Variants in DEK observed in about 807,000 individuals in gnomAD.
DEK encodes protein DEK.
Under a neutral mutation model 46.8 loss-of-function variants are expected in DEK, and 28 were observed. The ratio of observed to expected loss-of-function variants is 0.60; its 90% CI spans 0.44 to 0.82. The LOEUF (loss-of-function observed/expected upper bound fraction) is 0.82. DEK is among the 40% of genes least tolerant of loss of function. The pLI is 0.00. For synonymous variants in DEK, 160 were observed against 144.5 expected, an observed-to-expected ratio of 1.11 and a Z score of -0.77; for missense variants, 416 against 430.6, an observed-to-expected ratio of 0.97 and a Z score of 0.30.
chr6:18,242,718 C>G (rs959608341), intron 7 of DEK, among the ~76,000 whole-genome samples: 9 of 151,904 alleles, frequency 5.9e-5, no homozygotes, highest in African/African-American at 2.2e-4. Context: ...AATAATGGCC[C>G]CAAAGCCCAG....
chr6:18,227,111 G>A (rs1489595667), intron 9 of DEK, among the ~76,000 whole-genome samples: 2 of 152,080 alleles, frequency 1.3e-5, no homozygotes, highest in African/African-American at 4.8e-5. Context: ...CTGAAATATG[G>A]CCTCGTGAGA....
intron 7 of DEK, among the ~76,000 whole-genome samples, chr6:18,245,242 A>C (rs148519843): frequency 2.2e-4 from 34 of 152,352 alleles, no homozygotes; most frequent in East Asian, 1.7e-3. Flanking sequence ...AAGGTAAAAC[A>C]ACCACCTTGT....
chr6:18,254,612 G>A (rs1791528535), intron 6 of DEK, among the ~76,000 whole-genome samples: 1 of 150,878 alleles, frequency 6.6e-6, no homozygotes, highest in Non-Finnish European at 1.5e-5. Flanking sequence ...TTTTTAAGAG[G>A]GCAACAGTAT....
At chr6:18,237,283 C>T (rs146616627) in intron 8 of DEK, 98 bp downstream of exon 8, 3 of 1,371,112 alleles carry the variant, frequency 2.2e-6, no homozygotes, top group Admixed American at 2.9e-5. Flanking sequence ...ATGTTCTCTG[C>T]AGTTTACCTG....
intron 2 of DEK, among the ~76,000 whole-genome samples, chr6:18,260,003 CCAGT>C (rs1485053386): frequency 1.3e-5 from 2 of 152,138 alleles, no homozygotes; most frequent in Non-Finnish European, 2.9e-5. Context: ...TAATGACTTC[CCAGT>C]CAATCTCCAA....
intron 4 of DEK, among the ~76,000 whole-genome samples, chr6:18,257,261 C>T (rs573048683): frequency 6.6e-6 from 1 of 152,262 alleles, no homozygotes; most frequent in Non-Finnish European, 1.5e-5. Flanking sequence ...TATGTATGAT[C>T]TCATACAAAT....
Position 18,232,850 on chromosome 6 carries a change from C to CTACTT in DEK, c.1047+3601_1047+3602insAAGTA. On this transcript the variant is annotated intron_variant, in intron 9 of 10. Coordinates refer to ENST00000652689, the MANE Select transcript of DEK (RefSeq NM_003472.4). ...ACTTTCTTCATAGAACTGGAAAAAA[C>CTACTT]TAAAGTTCATATGGAATCAAAAAAG... 4.6e-5 allele frequency among the ~76,000 whole-genome samples: 7 copies of CTACTT among 152,112 alleles called. 1 individual carries two copies. Among genetic ancestry groups the CTACTT allele is most frequent in the African/African-American group, 1.7e-4 (7 of 41,534 alleles).
chr6:18,225,125 G>T lies in DEK; in HGVS notation c.*594C>A. 4.6e-6 allele frequency: 1 copy of T among 216,732 alleles called. No homozygotes were observed. The highest frequency in any genetic ancestry group is 2.2e-5 in the African/African-American group (1 of 44,568). 13.4% of individuals were successfully genotyped at this position (216,732 alleles called of 1,614,324 possible). A position where few individuals can be genotyped will look rare whatever the true frequency, so the allele number is the denominator to read the frequency against. On this transcript the variant is annotated 3_prime_UTR_variant, in exon 11 of 11. Transcript: ENST00000652689. Reference sequence around the variant, plus strand: ...AAAAAAACTTTATATACAACCAATTGTTTTTTAAAAATACAAAAATAACAT... The same window carrying T: ...AAAAAAACTTTATATACAACCAATTTTTTTTTAAAAATACAAAAATAACAT...
intron 2 of DEK, 125 bp downstream of exon 2, chr6:18,263,718 C>A: frequency 6.3e-7 from 1 of 1,584,890 alleles, no homozygotes; most frequent in Non-Finnish European, 8.5e-7. Flanking sequence ...CACACATTCT[C>A]GCTGAAAATC....
At chr6:18,226,621 A>T (rs1042725424) in intron 9 of DEK, among the ~76,000 whole-genome samples, 9 of 152,224 alleles carry the variant, frequency 5.9e-5, no homozygotes, top group African/African-American at 2.2e-4. Context: ...GTCTACAAAA[A>T]ATTTAAAAAG....
chr6:18,260,674 A>T (rs1162288649), intron 2 of DEK, among the ~76,000 whole-genome samples: 3 of 152,152 alleles, frequency 2.0e-5, no homozygotes, highest in Non-Finnish European at 2.9e-5. Context: ...GCCTGGGCAG[A>T]AGCCTCCTGC....
intron 7 of DEK, among the ~76,000 whole-genome samples, chr6:18,239,974 T>G (rs1790833534): frequency 6.6e-6 from 1 of 152,194 alleles, no homozygotes; most frequent in Non-Finnish European, 1.5e-5. Flanking sequence ...AAGTAAGTTA[T>G]TACTGAAAGG....
intron 2 of DEK, among the ~76,000 whole-genome samples, chr6:18,262,454 A>C (rs956330746): frequency 6.6e-6 from 1 of 152,234 alleles, no homozygotes; most frequent in Non-Finnish European, 1.5e-5. Context: ...AATAAATCAC[A>C]GCTACAATAA....
At chr6:18,247,718 C>A (rs73366551) in intron 7 of DEK, among the ~76,000 whole-genome samples, 1 of 151,736 alleles carries the variant, frequency 6.6e-6, no homozygotes, top group African/African-American at 2.4e-5. Flanking sequence ...GTTGCTCAGG[C>A]TGGAGAACAA....
chr6:18,241,663 G>T (rs768481135), intron 7 of DEK, among the ~76,000 whole-genome samples: 1 of 152,164 alleles, frequency 6.6e-6, no homozygotes, highest in African/African-American at 2.4e-5. Flanking sequence ...CACATTTATG[G>T]ACTAGATTTG....
At chr6:18,254,316 G>A (rs1006326284) in intron 6 of DEK, among the ~76,000 whole-genome samples, 4 of 152,102 alleles carry the variant, frequency 2.6e-5, no homozygotes, top group African/African-American at 9.7e-5. Flanking sequence ...GGGCAACAGA[G>A]TGAGAATCTG....
Position 18,240,898 on chromosome 6 carries a change from T to C in DEK, c.763-3382A>G, listed in dbSNP as rs140832818. Among the ~76,000 whole-genome samples, 442 of 152,328 alleles carry C rather than the reference T, an allele frequency of 2.9e-3. 5 individuals are homozygous for C. Among genetic ancestry groups the C allele is most frequent in the African/African-American group, 0.01 (423 of 41,572 alleles). ...AACTGTATTAACTAGCCATGATATA[T>C]CGCACTTACTTCACTACATTATAGT... On this transcript the variant is annotated intron_variant, in intron 7 of 10. Transcript: ENST00000652689.
intron 2 of DEK, among the ~76,000 whole-genome samples, chr6:18,262,738 C>G (rs1324499584): frequency 6.6e-6 from 1 of 152,200 alleles, no homozygotes; most frequent in Non-Finnish European, 1.5e-5. Context: ...CGAGATAGTG[C>G]AGCCAATTTT....
chr6:18,243,929 T>C (rs1194769228), intron 7 of DEK, among the ~76,000 whole-genome samples: 1 of 152,170 alleles, frequency 6.6e-6, no homozygotes, highest in Non-Finnish European at 1.5e-5. Flanking sequence ...ATCTCACCAC[T>C]GTACTCCAGC....
Sources: allele counts gnomAD v4.1 joint callset (sites outside exome capture counted in the v4.1 genomes callset), GRCh38; gene constraint gnomAD v4.1.1; transcripts MANE v1.5; gene names NCBI Gene and HGNC (gene_info 2026-07-23, HGNC 2026-07-21).